PAXIP1: variants seen among roughly 807,000 people sequenced by gnomAD.
PAXIP1 encodes PAX-interacting protein 1.
A neutral mutation model predicts 140.6 loss-of-function variants in PAXIP1; 19 were observed. The ratio of observed to expected loss-of-function variants is 0.14; its 90% CI spans 0.09 to 0.20. The LOEUF is 0.20. Ranked by LOEUF, PAXIP1 falls within the 10% of genes least tolerant of loss-of-function variation. The probability of loss-of-function intolerance (pLI) is 1.00; values close to 1 mark genes in which losing one functional copy is unlikely to be tolerated. For synonymous variants in PAXIP1, 442 were observed against 444.6 expected (o/e 0.99, Z 0.07); for missense variants, 920 against 1,208.6 (o/e 0.76, Z 3.54).
rs915387632 is a variant in PAXIP1 at position 154,973,873 on chromosome 7, A to C, written c.1074+1823T>G. Among the ~76,000 whole-genome samples, 2 of 152,100 alleles carry C rather than the reference A, an allele frequency of 1.3e-5. No individual in the cohort carries two copies. Among genetic ancestry groups the C allele is most frequent in the African/African-American group, 4.8e-5 (2 of 41,424 alleles). ...ACAGAGCCATTTTTCTGGGACTTTG[A>C]GCTGTCATTATGAAATGAAAGTGTC... On this transcript the variant is annotated intron_variant, in intron 6 of 20. Coordinates refer to ENST00000404141, the MANE Select transcript of PAXIP1 (RefSeq NM_007349.4). The surrounding 1 kb of genome is among the most constrained non-coding windows in gnomAD (Gnocchi z 4.0).
chr7:154,988,126 CT>C (rs1386268625), intron 4 of PAXIP1, among the ~76,000 whole-genome samples: 1 of 152,236 alleles, frequency 6.6e-6, no homozygotes, highest in Non-Finnish European at 1.5e-5. Flanking sequence ...ATCTACCTGC[CT>C]GACCATTTTT....
At chr7:154,970,502 A>C (rs1208276904) in intron 6 of PAXIP1, among the ~76,000 whole-genome samples, 1 of 152,282 alleles carries the variant, frequency 6.6e-6, no homozygotes, top group African/African-American at 2.4e-5. Context: ...TCAAGACTTC[A>C]GAAACACCTG....
intron 4 of PAXIP1, among the ~76,000 whole-genome samples, chr7:154,985,146 C>T (rs1810014046): frequency 6.6e-6 from 1 of 152,118 alleles, no homozygotes; most frequent in Non-Finnish European, 1.5e-5. Flanking sequence ...TCTTTCCACA[C>T]CAAAATGTTA....
At chr7:154,969,570 G>A (rs1809202762) in intron 6 of PAXIP1, among the ~76,000 whole-genome samples, 1 of 152,228 alleles carries the variant, frequency 6.6e-6, no homozygotes, top group Non-Finnish European at 1.5e-5. Context: ...AATGACAGGT[G>A]GTGAAGGCAT....
At position 154,970,817 on chromosome 7, in the gene PAXIP1, T is replaced by C. The variant is rs1017197790; in HGVS notation, c.1075-1691A>G. On this transcript the variant is annotated intron_variant, in intron 6 of 20. Coordinates refer to ENST00000404141, the MANE Select transcript of PAXIP1 (RefSeq NM_007349.4). ...CGAGGGGTGGGAGGGGGGCTGAGAGTTTAACTGTTCACTCTGTCCTTTGGT... is the reference window on the plus strand; with the variant it reads ...CGAGGGGTGGGAGGGGGGCTGAGAGCTTAACTGTTCACTCTGTCCTTTGGT... Among the ~76,000 whole-genome samples the C allele has an allele frequency of 2.0e-5, 3 of 152,202 alleles. 1 individual carries two copies. The highest frequency in any genetic ancestry group is 2.0e-4 in the Admixed American group (3 of 15,298).
intron 4 of PAXIP1, among the ~76,000 whole-genome samples, chr7:154,988,422 T>C (rs1810171046): frequency 6.6e-6 from 1 of 152,224 alleles, no homozygotes; most frequent in African/African-American, 2.4e-5. Context: ...ATGTCTACAC[T>C]ATAACCTAAT....
chr7:154,978,545 AGAT>A (rs1326975718), intron 5 of PAXIP1, among the ~76,000 whole-genome samples: 1 of 152,200 alleles, frequency 6.6e-6, no homozygotes, highest in Non-Finnish European at 1.5e-5. Context: ...AGCTCTCCCC[AGAT>A]GATAAATTTC....
chr7:154,946,957 C>G lies in PAXIP1; in HGVS notation c.2923-144G>C, dbSNP rs1808010375. 2 of 583,496 alleles carry G rather than the reference C, an allele frequency of 3.4e-6. No homozygotes were observed. Among genetic ancestry groups the G allele is most frequent in the African/African-American group, 3.7e-5 (2 of 53,490 alleles). The allele number at this position is 583,496 out of a possible 1,614,324, so 36.1% of individuals were successfully genotyped here. ...TGAAGGTACTATTCTCCTACTAGCA[C>G]TCAATCTGAAGTGGAAGAGGAATCC... On this transcript the variant is annotated intron_variant, in intron 17 of 20. Transcript: ENST00000404141. The surrounding 1 kb of genome is among the most constrained non-coding windows in gnomAD (Gnocchi z 4.9).
chr7:154,963,721 G>A lies in PAXIP1; in HGVS notation c.1939C>T (p.Arg647Ter). The stretch of plus-strand genomic sequence containing the variant: ...CTCTCACAGAGAAGGTGCGTGCATC[G>A]ACTCGTGAAGGTGGGGTCAACAGTG... ...GGTVDPTFTS[R>*]CTHLLCESQV... is the part of the protein sequence containing the mutation. The change falls in exon 9 of 21, where the codon CGA becomes TGA. Residue 647 changes from arginine (R) to a stop codon, truncating the protein, a stop_gained. Coordinates refer to ENST00000404141, the MANE Select transcript of PAXIP1 (RefSeq NM_007349.4). LOFTEE classifies it high-confidence loss of function. The surrounding 1 kb of genome is among the most constrained non-coding windows in gnomAD (Gnocchi z 4.1). 1 of 1,613,588 alleles carries A rather than the reference G, an allele frequency of 6.2e-7. No homozygotes were observed. The highest frequency in any genetic ancestry group is 8.5e-7 in the Non-Finnish European group (1 of 1,179,772).
chr7:154,974,996 A>T (rs1402088662), intron 6 of PAXIP1, among the ~76,000 whole-genome samples: 1 of 150,878 alleles, frequency 6.6e-6, no homozygotes, highest in Non-Finnish European at 1.5e-5. Flanking sequence ...AATACAAAAA[A>T]AAAAAAAAAA....
chr7:155,002,705 C>A (rs1304679480), intron 1 of PAXIP1, 144 bp downstream of exon 1: 2 of 350,820 alleles, frequency 5.7e-6, no homozygotes, highest in African/African-American at 4.4e-5. Flanking sequence ...CCCCTGCCCT[C>A]AGCGCAGTCA....
At chr7:154,978,440 A>G (rs1291049252) in intron 5 of PAXIP1, among the ~76,000 whole-genome samples, 1 of 152,238 alleles carries the variant, frequency 6.6e-6, no homozygotes, top group African/African-American at 2.4e-5. Context: ...GTAAGAGTAC[A>G]TCAATTTACC....
Position 155,002,883 on chromosome 7 carries a change from A to G in PAXIP1, c.47T>C (p.Val16Ala). 4 of 1,408,926 alleles carry G rather than the reference A, an allele frequency of 2.8e-6. No homozygotes were observed. Among genetic ancestry groups the G allele is most frequent in the South Asian group, 1.4e-5 (1 of 73,492 alleles). The allele number at this position is 1,408,926 out of a possible 1,614,324, so 87.3% of individuals were successfully genotyped here. A position where few individuals can be genotyped will look rare whatever the true frequency, so the allele number is the denominator to read the frequency against. Residue 16 changes from valine (V) to alanine (A), a missense_variant, in exon 1 of 21, where the codon GTC becomes GCC. By Grantham distance (64) the Val-to-Ala change is moderately conservative. Transcript: ENST00000404141. ...PKVPEEMFRE[V>A]KYYAVGDIDP... ...GATGTCGCCCACCGCGTAATACTTGACCTCCCTGAACATCTCCTCAGGAAC... is the reference window on the plus strand; with the variant it reads ...GATGTCGCCCACCGCGTAATACTTGGCCTCCCTGAACATCTCCTCAGGAAC...
Position 154,953,746 on chromosome 7 carries a change from A to C in PAXIP1, c.2821+509T>G, listed in dbSNP as rs993926200. On this transcript the variant is annotated intron_variant, in intron 16 of 20. Coordinates refer to ENST00000404141, the MANE Select transcript of PAXIP1 (RefSeq NM_007349.4). Reference sequence around the variant, plus strand: ...CATTTAGGTGTGTATCAATCTAAGAAAAAACTATCCTTTACATACCATGTC... The same window carrying C: ...CATTTAGGTGTGTATCAATCTAAGACAAAACTATCCTTTACATACCATGTC... Among the ~76,000 whole-genome samples the C allele has an allele frequency of 1.2e-4, 19 of 152,368 alleles. No individual in the cohort carries two copies. The East Asian group carries it at 3.5e-3, about 28-fold the overall frequency.
rs140307671 is a variant in PAXIP1, at chr7:154,987,313, T to C, written c.324+3693A>G. On this transcript the variant is annotated intron_variant, in intron 4 of 20. Coordinates refer to ENST00000404141, the MANE Select transcript of PAXIP1 (RefSeq NM_007349.4). ...CACAAACCTATGTACAACTATCTTC[T>C]ACCAATTTATGCTCTAAATCTTTAC... Among the ~76,000 whole-genome samples the C allele has an allele frequency of 3.4e-3, 514 of 152,316 alleles. 2 individuals are homozygous for C. Among genetic ancestry groups the C allele is most frequent in the African/African-American group, 0.011 (465 of 41,560 alleles).
rs1453687179 is a variant in PAXIP1 at position 154,944,121 on chromosome 7, G to A, written c.*28C>T. 5 of 1,611,822 alleles carry A rather than the reference G, an allele frequency of 3.1e-6. No homozygotes were observed. Among genetic ancestry groups the A allele is most frequent in the Non-Finnish European group, 4.2e-6 (5 of 1,178,750 alleles). On this transcript the variant is annotated 3_prime_UTR_variant, in exon 21 of 21. Transcript: ENST00000404141. ...AGACAGCCAGCCCCGCACCGCAGGAGTCGACATGCACGGCAGCCTAGACGC... is the reference window on the plus strand; with the variant it reads ...AGACAGCCAGCCCCGCACCGCAGGAATCGACATGCACGGCAGCCTAGACGC...
At chr7:154,964,755 T>C (rs969168924) in intron 8 of PAXIP1, 1 of 152,246 alleles carries the variant, frequency 6.6e-6, no homozygotes, top group Non-Finnish European at 1.5e-5. Flanking sequence ...GACTCTTGTT[T>C]AGATCATTCA....
chr7:154,971,890 G>A (rs1008429869), intron 6 of PAXIP1, among the ~76,000 whole-genome samples: 1 of 152,148 alleles, frequency 6.6e-6, no homozygotes, highest in Non-Finnish European at 1.5e-5. Flanking sequence ...ACATCTAGAA[G>A]TAAAACGTCC....
rs759612157 is a variant in PAXIP1 at position 154,976,354 on chromosome 7, C to T, written c.439-23G>A. ...CTCCTACGAGGAAAGCAGAAACACACACAAAACAAAGCTGTAAATTTTATC... is the reference window on the plus strand; with the variant it reads ...CTCCTACGAGGAAAGCAGAAACACATACAAAACAAAGCTGTAAATTTTATC... On this transcript the variant is annotated intron_variant, in intron 5 of 20. Transcript: ENST00000404141. 19 of 1,539,462 alleles carry T rather than the reference C, an allele frequency of 1.2e-5. No individual in the cohort carries two copies. The East Asian group carries it at 3.6e-4, about 29-fold the overall frequency.
Sources: allele counts gnomAD v4.1 joint callset (sites outside exome capture counted in the v4.1 genomes callset), GRCh38; gene constraint gnomAD v4.1.1; non-coding constraint Gnocchi (gnomAD v3.1); transcripts MANE v1.5; gene names NCBI Gene and HGNC (gene_info 2026-07-23, HGNC 2026-07-21).